Variants in WDFY4 observed in about 807,000 individuals in gnomAD.
WDFY4 encodes WDFY family member 4.
Under a neutral mutation model 351.9 loss-of-function variants are expected in WDFY4, and 169 were observed. The observed-to-expected ratio is 0.48, with a 90% confidence interval of 0.42 to 0.55. The LOEUF (loss-of-function observed/expected upper bound fraction) is 0.55. Ranked by LOEUF, WDFY4 falls within the 20% of genes least tolerant of loss-of-function variation. WDFY4 has a pLI of 0.00. For missense variants in WDFY4, 3,803 were observed against 3,935.6 expected (o/e 0.97, Z 0.90); for synonymous variants, 1,622 against 1,574.6 (o/e 1.03, Z -0.71).
chr10:48,820,663 G>T (rs1047997657), intron 33 of WDFY4, among the ~76,000 whole-genome samples: 3 of 152,180 alleles, frequency 2.0e-5, no homozygotes, highest in African/African-American at 7.2e-5. Context: ...TGAGTTATTG[G>T]CCAGTGGGTT....
At chr10:48,852,613 G>A (rs141185446) in intron 39 of WDFY4, among the ~76,000 whole-genome samples, 17 of 152,210 alleles carry the variant, frequency 1.1e-4, no homozygotes, top group African/African-American at 4.1e-4. Context: ...CAGTCATTTT[G>A]CCTCCTACTC....
intron 11 of WDFY4, among the ~76,000 whole-genome samples, chr10:48,738,073 G>A (rs1413328996): frequency 6.6e-6 from 1 of 152,144 alleles, no homozygotes; most frequent in Non-Finnish European, 1.5e-5. Context: ...ATAGGAACAG[G>A]GAAGGCATGT....
intron 39 of WDFY4, among the ~76,000 whole-genome samples, chr10:48,849,451 A>G (rs933324860): frequency 1.3e-5 from 2 of 152,168 alleles, no homozygotes; most frequent in Non-Finnish European, 2.9e-5. Context: ...ATTTCAGCAG[A>G]CAAGACTTAC....
At chr10:48,690,385 T>A (rs1198909610) in intron 1 of WDFY4, among the ~76,000 whole-genome samples, 1 of 152,210 alleles carries the variant, frequency 6.6e-6, no homozygotes, top group African/African-American at 2.4e-5. Context: ...ATATGGGATG[T>A]TTGGGGTGTT....
chr10:48,982,456 G>A, intron 61 of WDFY4, 53 bp from the exon 62 acceptor site: 1 of 1,428,998 alleles, frequency 7.0e-7, no homozygotes, highest in Non-Finnish European at 9.3e-7. Context: ...GTGCTGGCGG[G>A]GACAAGTGGT....
At chr10:48,722,697 TGCACACACACACACGTGCGTGC>T (rs1306526980) in intron 4 of WDFY4, among the ~76,000 whole-genome samples, 2 of 152,196 alleles carry the variant, frequency 1.3e-5, no homozygotes, top group African/African-American at 2.4e-5. Flanking sequence ...ACATGCATCA[TGCACACACACACACGTGCGTGC>T]GCACACACGC....
intron 53 of WDFY4, among the ~76,000 whole-genome samples, chr10:48,961,949 C>G (rs773389098): frequency 1.1e-4 from 17 of 152,154 alleles, no homozygotes; most frequent in Non-Finnish European, 1.9e-4. Flanking sequence ...AAGTGGCCAC[C>G]ACTTGAACTT....
intron 27 of WDFY4, among the ~76,000 whole-genome samples, chr10:48,806,436 T>C (rs1265654923): frequency 6.6e-6 from 1 of 152,154 alleles, no homozygotes; most frequent in Non-Finnish European, 1.5e-5. Flanking sequence ...ACTCCAGCAG[T>C]GAAGCACTTG....
chr10:48,759,059 G>A (rs919400841), intron 12 of WDFY4, among the ~76,000 whole-genome samples: 4 of 151,804 alleles, frequency 2.6e-5, no homozygotes, highest in African/African-American at 9.7e-5. Flanking sequence ...ATATCTTAAG[G>A]TAGGGAACTA....
intron 47 of WDFY4, chr10:48,932,508 C>A (rs1440400879): frequency 6.6e-6 from 1 of 152,204 alleles, no homozygotes; most frequent in Admixed American, 6.5e-5. Context: ...GAGCTGGCTA[C>A]AGTTCAGTCT....
At position 48,826,776 on chromosome 10, in the gene WDFY4, T is replaced by A. The variant is rs902540887; in HGVS notation, c.6088T>A (p.Ser2030Thr). The A allele has an allele frequency of 1.3e-6, 2 of 1,551,850 alleles. No homozygotes were observed. Among genetic ancestry groups the A allele is most frequent in the Admixed American group, 2.0e-5 (1 of 50,988 alleles). Reference protein sequence around the residue: ...YCLSKPQQSLSECLGLLSILG... With the variant: ...YCLSKPQQSLTECLGLLSILG... ...CCTATCCAAGCCCCAGCAGTCCCTC[T>A]CCGAATGCCTCGGCCTTCTCAGCAT... Residue 2030 changes from serine to threonine, a missense_variant, in exon 36 of 62, where the codon TCC becomes ACC. By Grantham distance (58) the Ser-to-Thr change is moderately conservative. Coordinates refer to ENST00000325239, the MANE Select transcript of WDFY4 (RefSeq NM_001394531.1).
chr10:48,792,342 C>T (rs542283510), intron 23 of WDFY4, among the ~76,000 whole-genome samples: 8 of 152,296 alleles, frequency 5.3e-5, no homozygotes, highest in South Asian at 2.1e-4. Flanking sequence ...TAATTGCTCT[C>T]GCACCCACAC....
intron 32 of WDFY4, among the ~76,000 whole-genome samples, chr10:48,818,717 CTAAA>C (rs2067706492): frequency 6.6e-6 from 1 of 152,066 alleles, no homozygotes; most frequent in African/African-American, 2.4e-5. Context: ...AATAAAAAGA[CTAAA>C]TATAAAGACC....
At chr10:48,897,078 C>A (rs2133392041) in intron 44 of WDFY4, among the ~76,000 whole-genome samples, 2 of 152,290 alleles carry the variant, frequency 1.3e-5, no homozygotes, top group Middle Eastern at 6.8e-3. Context: ...CCATGAAGCC[C>A]TCCCTGCTGG....
In WDFY4 at chr10:48,868,410, G is replaced by A. The variant is rs115424382; in HGVS notation, c.6741+1068G>A. ...ATGTCTAGTTTTTCTGAGTGCACAA[G>A]CTGGTCTTTCACAGACCCTTTGGTT... On this transcript the variant is annotated intron_variant, in intron 40 of 61. Coordinates refer to ENST00000325239, the MANE Select transcript of WDFY4 (RefSeq NM_001394531.1). Among the ~76,000 whole-genome samples, 332 of 152,300 alleles carry A rather than the reference G, an allele frequency of 2.2e-3. 1 individual carries two copies. Among genetic ancestry groups the A allele is most frequent in the African/African-American group, 7.7e-3 (320 of 41,564 alleles).
chr10:48,826,840 C>T lies in WDFY4; in HGVS notation c.6152C>T (p.Ala2051Val). Residue 2051 changes from alanine to valine, a missense_variant, in exon 36 of 62, where the codon GCC becomes GTC. Transcript: ENST00000325239. ...CAGGAGCACTGGGATGTTGTCTTTG[C>T]CACCTACAATTCCAACATCAGCTTC... ...FLQEHWDVVF[A>V]TYNSNISFLL... 6.4e-7 allele frequency: 1 copy of T among 1,551,842 alleles called. No homozygotes were observed. Among genetic ancestry groups the T allele is most frequent in the Non-Finnish European group, 8.7e-7 (1 of 1,147,020 alleles).
Position 48,873,657 on chromosome 10 carries a change from G to T in WDFY4, c.6908G>T (p.Arg2303Leu), listed in dbSNP as rs555699785. 6.4e-6 allele frequency: 10 copies of T among 1,551,704 alleles called. No homozygotes were observed. The Admixed American group carries it at 1.8e-4, about 27-fold the overall frequency. The change falls in exon 41 of 62, where the codon CGC becomes CTC. Residue 2303 changes from arginine (R) to leucine (L), a missense_variant. Physicochemically the swap from Arg to Leu is moderately radical, Grantham distance 102. Transcript: ENST00000325239. Reference protein sequence around the residue: ...GPARMRKRIKRLSPLEALSSG... With the variant: ...GPARMRKRIKLLSPLEALSSG... ...GCTCGAATGAGGAAACGCATCAAAC[G>T]CTTGTCTCCTTTGGAGGCCCTGAGC...
chr10:48,945,864 T>C lies in WDFY4; in HGVS notation c.7750-176T>C, dbSNP rs114989305. Among the ~76,000 whole-genome samples the C allele has an allele frequency of 4.0e-3, 607 of 152,330 alleles. 7 individuals carry two copies. The highest frequency in any genetic ancestry group is 0.014 in the African/African-American group (592 of 41,570). On this transcript the variant is annotated intron_variant, in intron 49 of 61. Transcript: ENST00000325239. ...TATTTTTCATTTCTCCCTTTTTAAG[T>C]CTTTGTGGATCACTGGCTCTGGGGC... is the stretch of plus-strand genomic sequence containing the variant.
At chr10:48,919,843 C>G (rs1038239620) in intron 47 of WDFY4, among the ~76,000 whole-genome samples, 2 of 150,402 alleles carry the variant, frequency 1.3e-5, no homozygotes, top group Admixed American at 6.6e-5. Flanking sequence ...CAAAGACATA[C>G]TAGCAATTTG....
Sources: gnomAD v4.1 joint callset for allele counts (sites outside exome capture counted in the v4.1 genomes callset) on GRCh38, gnomAD v4.1.1 for gene constraint, MANE v1.5 for transcripts, NCBI Gene and HGNC (gene_info 2026-07-23, HGNC 2026-07-21) for gene names.